SAMD12: variants seen among roughly 807,000 people sequenced by gnomAD.
SAMD12 encodes sterile alpha motif domain containing 12.
Under a neutral mutation model 15.0 loss-of-function variants are expected in SAMD12, and 9 were observed. The ratio of observed to expected loss-of-function variants is 0.60; its 90% CI spans 0.36 to 1.05. SAMD12 has a LOEUF of 1.05. SAMD12 is among the 50% of genes least tolerant of loss of function. SAMD12 has a pLI of 0.01. For missense variants in SAMD12, 230 were observed against 234.2 expected, an observed-to-expected ratio of 0.98 and a Z score of 0.12; for synonymous variants, 86 against 90.1, an observed-to-expected ratio of 0.96 and a Z score of 0.25.
chr8:118,298,117 C>A (rs2130306518), intron 4 of SAMD12, among the ~76,000 whole-genome samples: 1 of 152,246 alleles, frequency 6.6e-6, no homozygotes, highest in Non-Finnish European at 1.5e-5. Context: ...ATATGTAGTT[C>A]CTTGCTGAAT....
At chr8:118,463,990 A>G (rs1189241823) in intron 2 of SAMD12, among the ~76,000 whole-genome samples, 3 of 152,292 alleles carry the variant, frequency 2.0e-5, no homozygotes, top group Non-Finnish European at 2.9e-5. Context: ...CTGTGAGACT[A>G]TGTCTGAGTT....
chr8:118,157,356 A>G, the SAMD12 span, among the ~76,000 whole-genome samples: 2 of 152,244 alleles, frequency 1.3e-5, no homozygotes, highest in East Asian at 3.9e-4. Flanking sequence ...TAATAAACCC[A>G]CCATGAATAT....
At chr8:118,530,184 C>T (rs1825646243) in intron 2 of SAMD12, among the ~76,000 whole-genome samples, 1 of 152,146 alleles carries the variant, frequency 6.6e-6, no homozygotes, top group African/African-American at 2.4e-5. Context: ...TGAGAAGTGT[C>T]TGTTCATGTC....
At chr8:118,502,815 T>C (rs982017082) in intron 2 of SAMD12, among the ~76,000 whole-genome samples, 22 of 152,188 alleles carry the variant, frequency 1.4e-4, no homozygotes, top group Non-Finnish European at 4.4e-5. Context: ...AATGGCTAAG[T>C]GTAGCAAGGT....
intron 2 of SAMD12, among the ~76,000 whole-genome samples, chr8:118,555,969 T>C (rs1826517492): frequency 6.6e-6 from 1 of 152,194 alleles, no homozygotes; most frequent in Non-Finnish European, 1.5e-5. Context: ...TGCTTTCCAG[T>C]GACTATCCTT....
intron 4 of SAMD12, among the ~76,000 whole-genome samples, chr8:118,353,694 C>A (rs759411155): frequency 3.9e-5 from 6 of 152,046 alleles, no homozygotes; most frequent in Non-Finnish European, 8.8e-5. Flanking sequence ...AATAACAGTG[C>A]TGTTTATTTC....
intron 2 of SAMD12, among the ~76,000 whole-genome samples, chr8:118,475,941 GA>G (rs1823947522): frequency 6.6e-6 from 1 of 152,198 alleles, no homozygotes; most frequent in Non-Finnish European, 1.5e-5. Context: ...TCTGCAAGAA[GA>G]TAGGTAGAGG....
chr8:118,300,877 C>T (rs907773739), intron 4 of SAMD12, among the ~76,000 whole-genome samples: 3 of 152,160 alleles, frequency 2.0e-5, no homozygotes, highest in African/African-American at 4.8e-5. Context: ...ATTAAACCTT[C>T]GATTTCTACA....
chr8:118,264,310 C>T (rs1032219866), intron 4 of SAMD12, among the ~76,000 whole-genome samples: 1 of 152,102 alleles, frequency 6.6e-6, no homozygotes, highest in Non-Finnish European at 1.5e-5. Flanking sequence ...GGACTGCTAG[C>T]CATCTTTTAC....
chr8:118,339,777 T>C (rs781028075), intron 4 of SAMD12, among the ~76,000 whole-genome samples: 1 of 152,250 alleles, frequency 6.6e-6, no homozygotes, highest in Non-Finnish European at 1.5e-5. Context: ...AGGCTGTCTC[T>C]TCAGAGCAGG....
chr8:118,352,855 A>G (rs1408495213), intron 4 of SAMD12, among the ~76,000 whole-genome samples: 1 of 152,214 alleles, frequency 6.6e-6, no homozygotes, highest in East Asian at 1.9e-4. Flanking sequence ...TAGAGCCAGC[A>G]AATGACTGAT....
At chr8:118,511,367 G>T (rs931946385) in intron 2 of SAMD12, among the ~76,000 whole-genome samples, 1 of 151,950 alleles carries the variant, frequency 6.6e-6, no homozygotes, top group African/African-American at 2.4e-5. Flanking sequence ...CTTTTTTCAC[G>T]GTTTATGGTA....
chr8:118,320,301 T>C (rs1816163928), intron 4 of SAMD12, among the ~76,000 whole-genome samples: 1 of 152,144 alleles, frequency 6.6e-6, no homozygotes, highest in African/African-American at 2.4e-5. Context: ...GAAATTCACA[T>C]GGACGACTCT....
At chr8:118,407,881 C>T (rs1309840118) in intron 3 of SAMD12, among the ~76,000 whole-genome samples, 1 of 152,128 alleles carries the variant, frequency 6.6e-6, no homozygotes, top group Non-Finnish European at 1.5e-5. Flanking sequence ...CAATCCTACT[C>T]TCTATCATAC....
At chr8:118,463,966 G>T (rs1169847974) in intron 2 of SAMD12, among the ~76,000 whole-genome samples, 1 of 152,024 alleles carries the variant, frequency 6.6e-6, no homozygotes, top group African/African-American at 2.4e-5. Context: ...CCTTAGGGAG[G>T]TCATTTAATC....
chr8:118,164,975 A>ATGTGTGTGTG, the SAMD12 span, among the ~76,000 whole-genome samples: 5,760 of 144,140 alleles, frequency 0.04, 279 homozygotes, highest in African/African-American at 0.099. Flanking sequence ...CTGACACTAG[A>ATGTGTGTGTG]TGTGTGTGTG....
intron 4 of SAMD12, among the ~76,000 whole-genome samples, chr8:118,239,604 C>T (rs1391567427): frequency 6.6e-6 from 1 of 152,170 alleles, no homozygotes; most frequent in Non-Finnish European, 1.5e-5. Flanking sequence ...CCATCATACT[C>T]TGCTCTTAGG....
At chr8:118,474,585 C>T (rs1823902095) in intron 2 of SAMD12, among the ~76,000 whole-genome samples, 1 of 151,576 alleles carries the variant, frequency 6.6e-6, no homozygotes, top group Non-Finnish European at 1.5e-5. Context: ...GGGGGTTTCA[C>T]CATGTTGGTC....
intron 4 of SAMD12, among the ~76,000 whole-genome samples, chr8:118,329,738 T>C (rs1016064801): frequency 6.6e-6 from 1 of 152,216 alleles, no homozygotes; most frequent in Admixed American, 6.5e-5. Context: ...TGCTCAACTT[T>C]CTTTTTCACA....
Sources: allele counts gnomAD v4.1 joint callset (sites outside exome capture counted in the v4.1 genomes callset), GRCh38; gene constraint gnomAD v4.1.1; transcripts MANE v1.5; gene names NCBI Gene and HGNC (gene_info 2026-07-23, HGNC 2026-07-21).